Variants in MTUS2 observed in about 807,000 individuals in gnomAD.
The protein encoded by MTUS2 is microtubule-associated tumor suppressor candidate 2.
Under a neutral mutation model 114.1 loss-of-function variants are expected in MTUS2, and 40 were observed. That is an observed-to-expected ratio of 0.35 (90% CI 0.27 to 0.46). MTUS2 has a LOEUF of 0.46. MTUS2 is among the 20% of genes least tolerant of loss of function. The pLI is 1.00. For missense variants in MTUS2, 1,679 were observed against 1,705.4 expected (o/e 0.98, Z 0.27); for synonymous variants, 688 against 672.0 (o/e 1.02, Z -0.37).
intron 2 of MTUS2, among the ~76,000 whole-genome samples, chr13:28,868,181 A>T (rs1478638778): frequency 1.3e-5 from 2 of 152,218 alleles, no homozygotes; most frequent in Non-Finnish European, 2.9e-5. Flanking sequence ...TTGGATGTGC[A>T]TTTTATCCTA....
At chr13:29,454,376 T>C (rs111577506) in intron 9 of MTUS2, among the ~76,000 whole-genome samples, 2 of 152,386 alleles carry the variant, frequency 1.3e-5, no homozygotes, top group African/African-American at 4.8e-5. Flanking sequence ...GTGGATTCCC[T>C]GTGGTCCAGC....
chr13:28,901,229 A>G (rs560586864), intron 2 of MTUS2, among the ~76,000 whole-genome samples: 1 of 152,056 alleles, frequency 6.6e-6, no homozygotes, highest in Non-Finnish European at 1.5e-5. Context: ...TTAAGTCTTG[A>G]CTTTTGAGAG....
chr13:29,290,737 G>T (rs1566112576), intron 6 of MTUS2, among the ~76,000 whole-genome samples: 2 of 152,096 alleles, frequency 1.3e-5, no homozygotes, highest in African/African-American at 2.4e-5. Flanking sequence ...AATGTTGCCT[G>T]TTCAGGGCTC....
chr13:29,087,187 A>C (rs1329580744), intron 4 of MTUS2, among the ~76,000 whole-genome samples: 1 of 152,166 alleles, frequency 6.6e-6, no homozygotes, highest in Non-Finnish European at 1.5e-5. Context: ...TCCAGTTCTT[A>C]ATGAGAATGC....
At chr13:29,390,719 T>C (rs1873374738) in intron 8 of MTUS2, among the ~76,000 whole-genome samples, 2 of 150,994 alleles carry the variant, frequency 1.3e-5, no homozygotes, top group Admixed American at 6.6e-5. Context: ...CGGTGTTGGT[T>C]TAGGAACAGA....
At chr13:29,423,516 T>C (rs752785483) in intron 8 of MTUS2, among the ~76,000 whole-genome samples, 3 of 152,150 alleles carry the variant, frequency 2.0e-5, no homozygotes, top group Non-Finnish European at 4.4e-5. Flanking sequence ...AAAGAAGGGC[T>C]GCAGGCCAAA....
intron 8 of MTUS2, among the ~76,000 whole-genome samples, chr13:29,383,708 C>T (rs571154883): frequency 4.6e-5 from 7 of 152,030 alleles, no homozygotes; most frequent in African/African-American, 1.4e-4. Context: ...CGCAGAAGCC[C>T]GGCAAGAAGG....
At chr13:29,335,254 T>A (rs994727325) in intron 7 of MTUS2, among the ~76,000 whole-genome samples, 1 of 152,182 alleles carries the variant, frequency 6.6e-6, no homozygotes, top group Non-Finnish European at 1.5e-5. Context: ...AGATAAGGGA[T>A]GAAATAAGCC....
At chr13:29,068,944 T>G (rs1593442321) in intron 4 of MTUS2, among the ~76,000 whole-genome samples, 1 of 152,068 alleles carries the variant, frequency 6.6e-6, no homozygotes, top group South Asian at 2.1e-4. Flanking sequence ...AAACTTTAGT[T>G]GGACTGAAGT....
At chr13:29,052,365 C>T (rs934288433) in intron 4 of MTUS2, among the ~76,000 whole-genome samples, 2 of 150,160 alleles carry the variant, frequency 1.3e-5, no homozygotes, top group Admixed American at 6.7e-5. Context: ...CCTGTAATCC[C>T]AGCTACTTGC....
chr13:28,848,064 A>T (rs558648494), intron 2 of MTUS2, among the ~76,000 whole-genome samples: 4 of 152,118 alleles, frequency 2.6e-5, no homozygotes, highest in Non-Finnish European at 4.4e-5. Flanking sequence ...TCTATGTTTT[A>T]TCCACATTTC....
intron 6 of MTUS2, among the ~76,000 whole-genome samples, chr13:29,316,288 T>C (rs1899985632): frequency 6.6e-6 from 1 of 152,084 alleles, no homozygotes; most frequent in Admixed American, 6.5e-5. Context: ...AGAAAACTGC[T>C]CTGAGAGAGA....
intron 2 of MTUS2, among the ~76,000 whole-genome samples, chr13:28,939,076 C>G (rs1296861211): frequency 6.6e-6 from 1 of 152,170 alleles, no homozygotes; most frequent in Non-Finnish European, 1.5e-5. Flanking sequence ...CTTTGTTGAG[C>G]AAGTCTATTT....
At chr13:28,861,381 G>C (rs1876969118) in intron 2 of MTUS2, among the ~76,000 whole-genome samples, 1 of 150,660 alleles carries the variant, frequency 6.6e-6, no homozygotes, top group Non-Finnish European at 1.5e-5. Context: ...CATGGGTACA[G>C]TTCTGTCATT....
intron 1 of MTUS2, among the ~76,000 whole-genome samples, chr13:28,822,636 A>T (rs1267662022): frequency 3.3e-5 from 5 of 151,954 alleles, no homozygotes; most frequent in Non-Finnish European, 4.4e-5. Context: ...GCCCTCTGGG[A>T]GGGGCACTGG....
chr13:29,377,414 T>C (rs1432232133), intron 8 of MTUS2, among the ~76,000 whole-genome samples: 2 of 152,128 alleles, frequency 1.3e-5, no homozygotes, highest in Non-Finnish European at 2.9e-5. Flanking sequence ...TACTTTGTTG[T>C]ACAAAAAAGA....
chr13:29,426,092 CT>C (rs1876504294), intron 8 of MTUS2, among the ~76,000 whole-genome samples: 1 of 152,182 alleles, frequency 6.6e-6, no homozygotes, highest in African/African-American at 2.4e-5. Flanking sequence ...CCCACCCCAC[CT>C]GGCTCTGTCC....
In MTUS2 at chr13:29,505,348, G is replaced by A. The variant is rs1883164436; in HGVS notation, c.*2142G>A. The A allele has an allele frequency of 4.3e-6, 1 of 231,576 alleles. No homozygotes were observed. Among genetic ancestry groups the A allele is most frequent in the African/African-American group, 2.2e-5 (1 of 45,214 alleles). 14.3% of individuals were successfully genotyped at this position (231,576 alleles called of 1,614,324 possible). ...CTGCTGTGGTCAGAGTTGTAGCATC[G>A]TTAGCACTAAGTAATTCCTCATTAG... On this transcript the variant is annotated 3_prime_UTR_variant, in exon 16 of 16. Coordinates refer to ENST00000612955, the MANE Select transcript of MTUS2 (RefSeq NM_001033602.4).
intron 2 of MTUS2, among the ~76,000 whole-genome samples, chr13:28,861,427 C>T (rs1040233457): frequency 7.4e-6 from 1 of 134,858 alleles, no homozygotes; most frequent in Non-Finnish European, 1.6e-5. Flanking sequence ...CCTTCTGAGC[C>T]TCTGTTTTTT....
Sources: gnomAD v4.1 joint callset for allele counts (sites outside exome capture counted in the v4.1 genomes callset) on GRCh38, gnomAD v4.1.1 for gene constraint, MANE v1.5 for transcripts, NCBI Gene and HGNC (gene_info 2026-07-23, HGNC 2026-07-21) for gene names.